DLG2: variants seen among roughly 807,000 people sequenced by gnomAD.
DLG2 encodes the protein disks large homolog 2.
DLG2 carries 45 observed loss-of-function variants against 132.5 expected under a neutral mutation model. The observed-to-expected ratio is 0.34, with a 90% confidence interval of 0.27 to 0.44. DLG2 has a LOEUF of 0.44. Ranked by LOEUF, DLG2 falls within the 20% of genes least tolerant of loss-of-function variation. The pLI is 1.00. For missense variants in DLG2, 1,045 were observed against 1,196.9 expected (o/e 0.87, Z 1.87); for synonymous variants, 424 against 419.6 (o/e 1.01, Z -0.13).
intron 7 of DLG2, among the ~76,000 whole-genome samples, chr11:84,313,641 A>AAAAGAGAGAAAG (rs2098320977): frequency 1.5e-5 from 2 of 129,180 alleles, no homozygotes; most frequent in Non-Finnish European, 3.2e-5. Flanking sequence ...GAAAGAGAGA[A>AAAAGAGAGAAAG]AAAGAAAGAA....
intron 4 of DLG2, among the ~76,000 whole-genome samples, chr11:85,180,004 T>C (rs1197558418): frequency 6.6e-6 from 1 of 151,924 alleles, no homozygotes; most frequent in Non-Finnish European, 1.5e-5. Context: ...GGTAGGCTTA[T>C]TCCAGAGTTT....
chr11:84,752,246 T>TA (rs2066220869), intron 6 of DLG2, among the ~76,000 whole-genome samples: 1 of 151,996 alleles, frequency 6.6e-6, no homozygotes, highest in South Asian at 2.1e-4. Context: ...ATTGAAGACC[T>TA]ACTATTTCCT....
chr11:84,300,676 A>G (rs1334462580), intron 7 of DLG2, among the ~76,000 whole-genome samples: 1 of 152,226 alleles, frequency 6.6e-6, no homozygotes, highest in East Asian at 1.9e-4. Context: ...AGAAGACATC[A>G]TAAGAGCTTC....
intron 7 of DLG2, among the ~76,000 whole-genome samples, chr11:84,338,207 C>T (rs1331735070): frequency 3.3e-5 from 5 of 152,178 alleles, no homozygotes; most frequent in South Asian, 2.1e-4. Flanking sequence ...ACTCCACCTT[C>T]GTGCAATTGT....
At chr11:83,609,186 C>T (rs538833302) in intron 19 of DLG2, among the ~76,000 whole-genome samples, 1 of 152,288 alleles carries the variant, frequency 6.6e-6, no homozygotes, top group Non-Finnish European at 1.5e-5. Context: ...ATTATGGGCA[C>T]AAATGGCCTA....
intron 6 of DLG2, among the ~76,000 whole-genome samples, chr11:84,714,108 T>C (rs2060741815): frequency 6.6e-6 from 1 of 152,070 alleles, no homozygotes; most frequent in South Asian, 2.1e-4. Flanking sequence ...CAAAAAGTAT[T>C]TTCTAAAGTT....
At chr11:83,872,275 G>A (rs934796134) in intron 16 of DLG2, among the ~76,000 whole-genome samples, 3 of 152,088 alleles carry the variant, frequency 2.0e-5, no homozygotes, top group African/African-American at 4.8e-5. Context: ...ACAAATTGGC[G>A]AGTTGTATAC....
chr11:84,631,018 TCACACACA>T (rs372331224), intron 6 of DLG2, among the ~76,000 whole-genome samples: 2,274 of 93,800 alleles, frequency 0.024, 40 homozygotes, highest in South Asian at 0.038. Context: ...TCTCTCTCTC[TCACACACA>T]CACACACACA....
intron 7 of DLG2, among the ~76,000 whole-genome samples, chr11:84,533,904 C>CAAAA (rs1374423345): frequency 3.6e-5 from 1 of 28,130 alleles, no homozygotes; most frequent in Admixed American, 5.5e-4. Context: ...GCCAGTTCAG[C>CAAAA]CAAAAAAAAA....
chr11:85,425,705 C>A (rs1015773424), intron 3 of DLG2, among the ~76,000 whole-genome samples: 1 of 152,172 alleles, frequency 6.6e-6, no homozygotes, highest in Non-Finnish European at 1.5e-5. Context: ...CAGCTCCCAG[C>A]ATGAGCGACG....
chr11:84,298,304 G>C lies in DLG2; in HGVS notation c.520-47013C>G, dbSNP rs546027444. ...CAAATCAATGACTTTTGCATACCTT[G>C]ATATAAGGTATATTTTAACTAGTCT... On this transcript the variant is annotated intron_variant, in intron 7 of 27. Transcript: ENST00000376104. 2.6e-5 allele frequency among the ~76,000 whole-genome samples: 4 copies of C among 152,236 alleles called. No individual in the cohort carries two copies. In the East Asian group the frequency reaches 7.7e-4, roughly 29 times the overall value.
At chr11:84,922,874 G>C (rs959518342) in intron 6 of DLG2, among the ~76,000 whole-genome samples, 6 of 146,108 alleles carry the variant, frequency 4.1e-5, no homozygotes, top group Non-Finnish European at 8.9e-5. Flanking sequence ...AGTTAAACCT[G>C]AAGGTCACTT....
At chr11:84,639,998 G>T in intron 6 of DLG2, 1 of 246,446 alleles carries the variant, frequency 4.1e-6, no homozygotes, top group Non-Finnish European at 7.7e-6. Context: ...CAAGAATGAA[G>T]ACTATTCTCA....
At chr11:83,906,249 TCTCTCTCTCA>T (rs2074835794) in intron 15 of DLG2, among the ~76,000 whole-genome samples, 5 of 97,718 alleles carry the variant, frequency 5.1e-5, no homozygotes, top group African/African-American at 2.0e-4. Context: ...TCTCTCTCTC[TCTCTCTCTCA>T]CACACACACA....
At chr11:84,967,381 C>T (rs1374321746) in intron 6 of DLG2, among the ~76,000 whole-genome samples, 1 of 151,880 alleles carries the variant, frequency 6.6e-6, no homozygotes, top group Admixed American at 6.6e-5. Context: ...CCAAGGTAGC[C>T]CTGATAGAAG....
chr11:84,827,213 A>G (rs1001631782), intron 6 of DLG2, among the ~76,000 whole-genome samples: 4 of 151,750 alleles, frequency 2.6e-5, no homozygotes, highest in African/African-American at 9.7e-5. Context: ...TCAACATTCA[A>G]ACTTTCCTTA....
At chr11:84,729,534 C>T (rs114232524) in intron 6 of DLG2, among the ~76,000 whole-genome samples, 3,839 of 152,154 alleles carry the variant, frequency 0.025, 171 homozygotes, top group African/African-American at 0.089. Flanking sequence ...TAATGAGGTG[C>T]TGAGTAGAAT....
In DLG2 at chr11:84,262,836, G is replaced by A. The variant is rs113087440; in HGVS notation, c.520-11545C>T. On this transcript the variant is annotated intron_variant, in intron 7 of 27. Transcript: ENST00000376104. ...AATAATAGTCTACTGTCTCATCCAG[G>A]TCACTGCAAATGCTGTTAATTCATT... is the stretch of plus-strand genomic sequence containing the variant. 2.1e-3 allele frequency among the ~76,000 whole-genome samples: 315 copies of A among 152,210 alleles called. 2 individuals are homozygous for A. Among genetic ancestry groups the A allele is most frequent in the African/African-American group, 7.4e-3 (308 of 41,526 alleles).
chr11:84,309,972 C>G (rs2098270442), intron 7 of DLG2, among the ~76,000 whole-genome samples: 1 of 151,368 alleles, frequency 6.6e-6, no homozygotes, highest in Non-Finnish European at 1.5e-5. Flanking sequence ...TGGGAATCAA[C>G]TCCAGCTGCT....
Sources: allele counts gnomAD v4.1 joint callset (sites outside exome capture counted in the v4.1 genomes callset), GRCh38; gene constraint gnomAD v4.1.1; transcripts MANE v1.5; gene names NCBI Gene and HGNC (gene_info 2026-07-23, HGNC 2026-07-21).